The following CA10 variants were observed in gnomAD, a reference collection of about 807,000 sequenced individuals.
The protein encoded by CA10 is carbonic anhydrase-related protein 10.
Under a neutral mutation model 44.2 loss-of-function variants are expected in CA10, and 14 were observed. The ratio of observed to expected loss-of-function variants is 0.32; its 90% CI spans 0.21 to 0.50. The LOEUF (loss-of-function observed/expected upper bound fraction) is 0.50, where lower values mean the gene tolerates loss of function less well. CA10 is among the 20% of genes least tolerant of loss of function. The pLI is 0.99. For missense variants in CA10, 350 were observed against 409.7 expected (o/e 0.85, Z 1.26); for synonymous variants, 159 against 141.6 (o/e 1.12, Z -0.87).
At position 51,679,462 on chromosome 17, in the gene CA10, C is replaced by T. The variant is rs191765816; in HGVS notation, c.466-25726G>A. Among the ~76,000 whole-genome samples the T allele has an allele frequency of 8.8e-4, 133 of 151,908 alleles. 2 individuals are homozygous for T. The highest frequency in any genetic ancestry group is 6.6e-3 in the East Asian group (34 of 5,156). The stretch of plus-strand genomic sequence containing the variant: ...ATTTTTAGTAGAGATGGGGTTTCAC[C>T]GTGTTAGCCAGGATGGTCTTGATCT... On this transcript the variant is annotated intron_variant, in intron 4 of 8. Transcript: ENST00000451037.
chr17:51,717,812 C>T (rs796413387), intron 4 of CA10, among the ~76,000 whole-genome samples: 65 of 11,328 alleles, frequency 5.7e-3, no homozygotes, highest in African/African-American at 0.011. Flanking sequence ...TATATATACA[C>T]GTATATATAT....
chr17:51,705,263 C>G (rs896862255), intron 4 of CA10, among the ~76,000 whole-genome samples: 1 of 152,186 alleles, frequency 6.6e-6, no homozygotes, highest in African/African-American at 2.4e-5. Flanking sequence ...AGCCTACTCA[C>G]CATTTCTTCA....
At chr17:52,093,623 C>T (rs779685831) in intron 1 of CA10, among the ~76,000 whole-genome samples, 1 of 152,080 alleles carries the variant, frequency 6.6e-6, no homozygotes, top group Non-Finnish European at 1.5e-5. Context: ...CTAAGAGAAC[C>T]ATACTTTTGT....
At chr17:51,719,801 T>A (rs889951389) in intron 4 of CA10, among the ~76,000 whole-genome samples, 1 of 151,446 alleles carries the variant, frequency 6.6e-6, no homozygotes, top group Non-Finnish European at 1.5e-5. Flanking sequence ...AGGTGGGGGG[T>A]GTATCACAAG....
At chr17:51,653,918 G>A (rs1007959954) in intron 4 of CA10, among the ~76,000 whole-genome samples, 182 bp from the exon 5 acceptor site, 9 of 152,176 alleles carry the variant, frequency 5.9e-5, no homozygotes, top group Non-Finnish European at 1.0e-4. Flanking sequence ...GCATGTACAC[G>A]CACACAAAAA....
At chr17:51,878,139 G>A (rs1237016981) in intron 3 of CA10, among the ~76,000 whole-genome samples, 3 of 71,870 alleles carry the variant, frequency 4.2e-5, no homozygotes, top group African/African-American at 2.0e-4. Flanking sequence ...GCATGACTCC[G>A]TCTCAAAAAA....
At chr17:51,898,513 CT>C (rs759453492) in intron 3 of CA10, among the ~76,000 whole-genome samples, 2 of 151,840 alleles carry the variant, frequency 1.3e-5, no homozygotes, top group African/African-American at 4.8e-5. Context: ...TGAGGTTTTC[CT>C]TTTTTGTTGT....
chr17:51,834,395 C>T (rs1196063465), intron 3 of CA10, among the ~76,000 whole-genome samples: 2 of 152,180 alleles, frequency 1.3e-5, no homozygotes, highest in Non-Finnish European at 2.9e-5. Context: ...ATGGACCTGC[C>T]TCCTTCCTCA....
intron 2 of CA10, among the ~76,000 whole-genome samples, chr17:52,060,779 T>C (rs1319103998): frequency 1.3e-5 from 2 of 152,350 alleles, no homozygotes; most frequent in East Asian, 3.9e-4. Context: ...GTATCACCTG[T>C]TAATCAAATT....
chr17:52,109,012 C>T (rs547186107), intron 1 of CA10, among the ~76,000 whole-genome samples: 12 of 152,158 alleles, frequency 7.9e-5, no homozygotes, highest in African/African-American at 2.6e-4. Context: ...ATCAAAGAGA[C>T]CTCAATAAAT....
chr17:51,807,874 A>T (rs1907195440), intron 3 of CA10, among the ~76,000 whole-genome samples: 1 of 152,200 alleles, frequency 6.6e-6, no homozygotes, highest in South Asian at 2.1e-4. Context: ...CATTAGTGGA[A>T]CCTTGCAGGG....
At chr17:52,145,075 C>T (rs917445523) in intron 1 of CA10, among the ~76,000 whole-genome samples, 17 of 152,230 alleles carry the variant, frequency 1.1e-4, no homozygotes, top group African/African-American at 2.9e-4. Context: ...CAGTCAATGA[C>T]GACCCCTAGA....
At chr17:51,633,207 A>G (rs891942095) in intron 8 of CA10, among the ~76,000 whole-genome samples, 10 of 152,144 alleles carry the variant, frequency 6.6e-5, no homozygotes, top group South Asian at 2.1e-4. Context: ...TCAAACCTCT[A>G]CACCTTGCCA....
In CA10 at chr17:51,631,166, T is replaced by TGTATGTACAAAGGCTGAAAAGTCTCA. The variant is rs1166846843; in HGVS notation, c.*392_*417dup. 6.8e-5 allele frequency: 12 copies of TGTATGTACAAAGGCTGAAAAGTCTCA among 176,322 alleles called. No homozygotes were observed. The highest frequency in any genetic ancestry group is 1.2e-4 in the Non-Finnish European group (10 of 83,066). The allele number at this position is 176,322 out of a possible 1,614,324, so 10.9% of individuals were successfully genotyped here. On this transcript the variant is annotated 3_prime_UTR_variant, in exon 9 of 9. Transcript: ENST00000451037. ...TCTCCTCTCTCTTTTGGAAGAATTT[T>TGTATGTACAAAGGCTGAAAAGTCTCA]GTATGTACAAAGGCTGAAAAGTCTC...
In CA10 at chr17:52,076,454, C is replaced by T. The variant is rs1164895115; in HGVS notation, c.62-4061G>A. On this transcript the variant is annotated intron_variant, in intron 1 of 8. Coordinates refer to ENST00000451037, the MANE Select transcript of CA10 (RefSeq NM_020178.5). ...AAAGCCTATTGTAATAGTAGAACTGCAGAGCTCCTGTTAGCTGTCTTTGAT... is the reference window on the plus strand; with the variant it reads ...AAAGCCTATTGTAATAGTAGAACTGTAGAGCTCCTGTTAGCTGTCTTTGAT... 5.3e-5 allele frequency among the ~76,000 whole-genome samples: 8 copies of T among 152,296 alleles called. No homozygotes were observed. In the East Asian group the frequency reaches 1.2e-3, roughly 22 times the overall value.
At chr17:51,698,748 C>G (rs1424365009) in intron 4 of CA10, among the ~76,000 whole-genome samples, 2 of 152,220 alleles carry the variant, frequency 1.3e-5, no homozygotes, top group African/African-American at 2.4e-5. Context: ...TAACCACCAC[C>G]TACTCTCTGC....
intron 3 of CA10, among the ~76,000 whole-genome samples, chr17:51,760,254 G>A (rs1160552249): frequency 2.0e-5 from 3 of 152,222 alleles, no homozygotes; most frequent in African/African-American, 7.2e-5. Context: ...ATGTTTGGGG[G>A]ATAATTAGAT....
chr17:52,068,256 G>A (rs1987587975), intron 2 of CA10, among the ~76,000 whole-genome samples: 2 of 152,138 alleles, frequency 1.3e-5, no homozygotes, highest in African/African-American at 4.8e-5. Flanking sequence ...TTTTGTAAGG[G>A]GCTCTTCCCC....
At chr17:52,072,621 AAG>A (rs1357564084) in intron 1 of CA10, among the ~76,000 whole-genome samples, 4 of 149,942 alleles carry the variant, frequency 2.7e-5, no homozygotes, top group African/African-American at 9.8e-5. Flanking sequence ...ATTGATGTTA[AAG>A]AGATAGTAAT....
Sources: gnomAD v4.1 joint callset for allele counts (sites outside exome capture counted in the v4.1 genomes callset) on GRCh38, gnomAD v4.1.1 for gene constraint, MANE v1.5 for transcripts, NCBI Gene and HGNC (gene_info 2026-07-23, HGNC 2026-07-21) for gene names.